Variants in LIPT2 observed in about 807,000 individuals in gnomAD.
The protein encoded by LIPT2 is octanoyl-[acyl-carrier-protein]:protein N-octanoyltransferase LIPT2, mitochondrial.
A neutral mutation model predicts 16.2 loss-of-function variants in LIPT2; 16 were observed. The observed-to-expected ratio is 0.99, with a 90% CI of 0.67 to 1.50. The LOEUF (loss-of-function observed/expected upper bound fraction) is 1.50, where lower values mean the gene tolerates loss of function less well. LIPT2 is among the 40% of genes most tolerant of loss of function. The probability of loss-of-function intolerance (pLI) is 0.00; values close to 1 mark genes in which losing one functional copy is unlikely to be tolerated. For synonymous variants in LIPT2, 199 were observed against 169.3 expected (o/e 1.18, Z -1.36); for missense variants, 424 against 347.7 (o/e 1.22, Z -1.75).
Position 74,493,705 on chromosome 11 carries a change from G to A in LIPT2, c.-2C>T, listed in dbSNP as rs929823454. The stretch of plus-strand genomic sequence containing the variant: ...CAACCGAACGGCGGGTTGCCGCATC[G>A]TGCCCACCGTTGCGTCCGCGGGGCC... On this transcript the variant is annotated 5_prime_UTR_variant, in exon 1 of 2. In the 5' UTR this introduces an upstream ATG that the reference lacks. Coordinates refer to ENST00000310109, the MANE Select transcript of LIPT2 (RefSeq NM_001144869.3). The A allele has an allele frequency of 7.3e-7, 1 of 1,365,452 alleles. No individual in the cohort carries two copies. Among genetic ancestry groups the A allele is most frequent in the Admixed American group, 3.8e-5 (1 of 26,496 alleles). The allele number at this position is 1,365,452 out of a possible 1,614,324, so 84.6% of individuals were successfully genotyped here. A position where few individuals can be genotyped will look rare whatever the true frequency, so the allele number is the denominator to read the frequency against.
rs986212225 is a variant in LIPT2, at chr11:74,491,998, C to T, written c.*137G>A. ...AACAGGATACATATGAAAATAGTGG[C>T]TCAGAGCTCATGGTATGTCCTTAGT... On this transcript the variant is annotated 3_prime_UTR_variant, in exon 2 of 2. Coordinates refer to ENST00000310109, the MANE Select transcript of LIPT2 (RefSeq NM_001144869.3). 8 of 637,072 alleles carry T rather than the reference C, an allele frequency of 1.3e-5. No individual in the cohort carries two copies. Among genetic ancestry groups the T allele is most frequent in the Non-Finnish European group, 2.3e-5 (8 of 355,292 alleles). The allele number at this position is 637,072 out of a possible 1,614,324, so 39.5% of individuals were successfully genotyped here. A position where few individuals can be genotyped will look rare whatever the true frequency, so the allele number is the denominator to read the frequency against.
chr11:74,493,318 A>G lies in LIPT2; in HGVS notation c.386T>C (p.Leu129Pro). The change falls in exon 1 of 2, where the codon CTC (leucine) becomes CCC (proline). Residue 129 changes from leucine to proline, a missense_variant. Leu to Pro is a moderately conservative substitution (Grantham distance 98). Coordinates refer to ENST00000310109, the MANE Select transcript of LIPT2 (RefSeq NM_001144869.3). ...LEACAVRLCE[L>P]QGLQDARARP... Reference sequence around the variant, plus strand: ...CGCGCGGGCGTCCTGCAGGCCCTGGAGCTCGCACAGGCGCACGGCGCACGC... The same window carrying G: ...CGCGCGGGCGTCCTGCAGGCCCTGGGGCTCGCACAGGCGCACGGCGCACGC... The G allele has an allele frequency of 6.8e-7, 1 of 1,465,684 alleles. No individual in the cohort carries two copies. The highest frequency in any genetic ancestry group is 9.0e-7 in the Non-Finnish European group (1 of 1,111,646). The allele number at this position is 1,465,684 out of a possible 1,614,324, so 90.8% of individuals were successfully genotyped here.
In LIPT2 at chr11:74,492,257, C is replaced by G; in HGVS notation, c.574G>C (p.Val192Leu). 6.4e-7 allele frequency: 1 copy of G among 1,551,712 alleles called. No homozygotes were observed. The highest frequency in any genetic ancestry group is 8.7e-7 in the Non-Finnish European group (1 of 1,146,978). ...TGGAGCTCCTTACTCAAGGAAGTGA[C>G]GCCTGTCCCAACCAGTCCACAGGGC... ...IVPCGLVGTG[V>L]TSLSKELQRH... Residue 192 changes from valine to leucine, a missense_variant, in exon 2 of 2, where the codon GTC becomes CTC. Val to Leu is a conservative substitution (Grantham distance 32, BLOSUM62 1). Transcript: ENST00000310109.
rs1300657288 is a variant in LIPT2, at chr11:74,493,313, C to T, written c.391G>A (p.Gly131Ser). 6.8e-7 allele frequency: 1 copy of T among 1,461,902 alleles called. No individual in the cohort carries two copies. Among genetic ancestry groups the T allele is most frequent in the African/African-American group, 1.5e-5 (1 of 68,304 alleles). The allele number at this position is 1,461,902 out of a possible 1,614,324, so 90.6% of individuals were successfully genotyped here. Residue 131 changes from glycine to serine, a missense_variant, in exon 1 of 2, where the codon GGC becomes AGC. Physicochemically the swap from Gly to Ser is moderately conservative, Grantham distance 56. Transcript: ENST00000310109. ...GGCCGCGCGCGGGCGTCCTGCAGGCCCTGGAGCTCGCACAGGCGCACGGCG... is the reference window on the plus strand; with the variant it reads ...GGCCGCGCGCGGGCGTCCTGCAGGCTCTGGAGCTCGCACAGGCGCACGGCG... ...ACAVRLCELQ[G>S]LQDARARPPP... is the part of the protein sequence containing the mutation.
Position 74,493,512 on chromosome 11 carries a change from G to A in LIPT2, c.192C>T (p.Gly64=). 1 of 1,425,316 alleles carries A rather than the reference G, an allele frequency of 7.0e-7. No homozygotes were observed. The highest frequency in any genetic ancestry group is 9.1e-7 in the Non-Finnish European group (1 of 1,095,572). The allele number at this position is 1,425,316 out of a possible 1,614,324, so 88.3% of individuals were successfully genotyped here. A position where few individuals can be genotyped will look rare whatever the true frequency, so the allele number is the denominator to read the frequency against. The change falls in exon 1 of 2, where the codon GGC becomes GGT. Residue 64 remains glycine (G), a synonymous_variant. Transcript: ENST00000310109. ...GCCGCGCAGTTTCCTCGGGCGTCAG[G>A]CCGCCGCGCAGCCCGGCCGTATACA... ...GPVYTAGLRG[G]LTPEETARLR...
At chr11:74,493,174 C>A in intron 1 of LIPT2, 64 bp downstream of exon 1, 1 of 1,227,906 alleles carries the variant, frequency 8.1e-7, no homozygotes, top group South Asian at 2.2e-5. Flanking sequence ...CCCGTCAGAC[C>A]CCGCCCCCAG....
Position 74,493,557 on chromosome 11 carries a change from G to A in LIPT2, c.147C>T (p.Leu49=), listed in dbSNP as rs1304932851. ...PSGTEAGALL[L]CEPAGPVYTA... Reference sequence around the variant, plus strand: ...TATACACGGGCCCCGCGGGCTCGCAGAGCAGGAGCGCGCCCGCCTCAGTCC... The same window carrying A: ...TATACACGGGCCCCGCGGGCTCGCAAAGCAGGAGCGCGCCCGCCTCAGTCC... Residue 49 remains leucine, a synonymous_variant, in exon 1 of 2, where the codon CTC becomes CTT. Transcript: ENST00000310109. 2 of 1,434,034 alleles carry A rather than the reference G, an allele frequency of 1.4e-6. No homozygotes were observed. The highest frequency in any genetic ancestry group is 2.7e-5 in the Admixed American group (1 of 36,512). 88.8% of individuals were successfully genotyped at this position (1,434,034 alleles called of 1,614,324 possible).
Position 74,493,309 on chromosome 11 carries a change from A to C in LIPT2, c.395T>G (p.Leu132Arg), listed in dbSNP as rs1329453974. 1.4e-6 allele frequency: 2 copies of C among 1,444,418 alleles called. No homozygotes were observed. The highest frequency in any genetic ancestry group is 2.6e-5 in the Admixed American group (1 of 38,282). The allele number at this position is 1,444,418 out of a possible 1,614,324, so 89.5% of individuals were successfully genotyped here. The change falls in exon 1 of 2, where the codon CTG becomes CGG. Residue 132 changes from leucine to arginine, a missense_variant. Leu to Arg is a moderately radical substitution (Grantham distance 102). Transcript: ENST00000310109. The part of the protein sequence containing the change: ...CAVRLCELQG[L>R]QDARARPPPY... ...CGGGGGCCGCGCGCGGGCGTCCTGCAGGCCCTGGAGCTCGCACAGGCGCAC... is the reference window on the plus strand; with the variant it reads ...CGGGGGCCGCGCGCGGGCGTCCTGCCGGCCCTGGAGCTCGCACAGGCGCAC...
rs1237708023 is a variant in LIPT2 at position 74,492,236 on chromosome 11, G to A, written c.595C>T (p.Leu199Phe). The A allele has an allele frequency of 1.3e-6, 2 of 1,551,714 alleles. No individual in the cohort carries two copies. The highest frequency in any genetic ancestry group is 1.4e-5 in the African/African-American group (1 of 73,148). The change falls in exon 2 of 2, where the codon CTC becomes TTC. Residue 199 changes from leucine (L) to phenylalanine (F), a missense_variant. Coordinates refer to ENST00000310109, the MANE Select transcript of LIPT2 (RefSeq NM_001144869.3). The stretch of plus-strand genomic sequence containing the variant: ...TCTTCCACGGTGACGTGCCTCTGGA[G>A]CTCCTTACTCAAGGAAGTGACGCCT... Reference protein sequence around the residue: ...GTGVTSLSKELQRHVTVEEVM... With the variant: ...GTGVTSLSKEFQRHVTVEEVM...
chr11:74,492,903 CAA>C (rs147536336), intron 1 of LIPT2, among the ~76,000 whole-genome samples: 59,164 of 102,760 alleles, frequency 0.58, 13,790 homozygotes, highest in East Asian at 0.65. Flanking sequence ...GACTCTGTCT[CAA>C]AAAAAAAAAA....
intron 1 of LIPT2, 36 bp downstream of exon 1, chr11:74,493,202 C>T: frequency 7.6e-7 from 1 of 1,308,890 alleles, no homozygotes; most frequent in East Asian, 3.1e-5. Flanking sequence ...GCTCCGACCT[C>T]GGCTCTCAGG....
In LIPT2 at chr11:74,491,289, T is replaced by C. The variant is rs746426231; in HGVS notation, c.*846A>G. 6.6e-6 allele frequency among the ~76,000 whole-genome samples: 1 copy of C among 152,186 alleles called. No homozygotes were observed. The highest frequency in any genetic ancestry group is 1.5e-5 in the Non-Finnish European group (1 of 68,028). On this transcript the variant is annotated 3_prime_UTR_variant, in exon 2 of 2. Coordinates refer to ENST00000310109, the MANE Select transcript of LIPT2 (RefSeq NM_001144869.3). ...GCCTTTGAATAAGTGCAGTTCCAGC[T>C]GACATCTTAACTGCAAGTTCGTGTG...
At position 74,491,959 on chromosome 11, in the gene LIPT2, G is replaced by A. The variant is rs3741128; in HGVS notation, c.*176C>T. The A allele has an allele frequency of 0.59, 348,641 of 592,680 alleles. 104,625 individuals carry two copies. The highest frequency in any genetic ancestry group is 0.67 in the East Asian group (24,089 of 35,768). The allele number at this position is 592,680 out of a possible 1,614,324, so 36.7% of individuals were successfully genotyped here. A position where few individuals can be genotyped will look rare whatever the true frequency, so the allele number is the denominator to read the frequency against. ...ATCTAGTATCTCTGAGGTAGGTGGG[G>A]AAGATATAAATAAAACAGGATACAT... On this transcript the variant is annotated 3_prime_UTR_variant, in exon 2 of 2. Transcript: ENST00000310109.
At chr11:74,492,749 CA>C (rs1591245491) in intron 1 of LIPT2, among the ~76,000 whole-genome samples, 1 of 151,638 alleles carries the variant, frequency 6.6e-6, no homozygotes, top group Non-Finnish European at 1.5e-5. Context: ...ACTAAAAATA[CA>C]AAAAATTAGC....
At chr11:74,492,747 T>C (rs2135043000) in intron 1 of LIPT2, among the ~76,000 whole-genome samples, 1 of 151,558 alleles carries the variant, frequency 6.6e-6, no homozygotes, top group Non-Finnish European at 1.5e-5. Context: ...CTACTAAAAA[T>C]ACAAAAAATT....
In LIPT2 at chr11:74,493,656, G is replaced by C. The variant is rs1864411264; in HGVS notation, c.48C>G (p.Tyr16Ter). 2.1e-6 allele frequency: 3 copies of C among 1,449,314 alleles called. No individual in the cohort carries two copies. In the African/African-American group the frequency reaches 4.4e-5, roughly 21 times the overall value. The allele number at this position is 1,449,314 out of a possible 1,614,324, so 89.8% of individuals were successfully genotyped here. The change falls in exon 1 of 2, where the codon TAC becomes TAG. Residue 16 changes from tyrosine to a stop codon, truncating the protein, a stop_gained. Transcript: ENST00000310109. LOFTEE classifies it high-confidence loss of function. ...GGTCCTGCAGCCCCAGTAGCTCGGC[G>C]TACGGCACCCGACCCAGGCGCACCA... ...VRLVRLGRVP[Y>*]AELLGLQDRW... is the part of the protein sequence containing the mutation.
intron 1 of LIPT2, 137 bp from the exon 2 acceptor site, chr11:74,492,501 T>A: frequency 1.6e-6 from 1 of 632,490 alleles, no homozygotes; most frequent in Non-Finnish European, 2.8e-6. Context: ...GGGATTGTAC[T>A]CAGATGGGAA....
In LIPT2 at chr11:74,492,252, A is replaced by G. The variant is rs1420207987; in HGVS notation, c.579T>C (p.Thr193=). Residue 193 remains threonine, a synonymous_variant, in exon 2 of 2, where the codon ACT becomes ACC. Coordinates refer to ENST00000310109, the MANE Select transcript of LIPT2 (RefSeq NM_001144869.3). The part of the protein sequence containing the change: ...VPCGLVGTGV[T]SLSKELQRHV... Reference sequence around the variant, plus strand: ...GCCTCTGGAGCTCCTTACTCAAGGAAGTGACGCCTGTCCCAACCAGTCCAC... The same window carrying G: ...GCCTCTGGAGCTCCTTACTCAAGGAGGTGACGCCTGTCCCAACCAGTCCAC... 1.3e-6 allele frequency: 2 copies of G among 1,551,750 alleles called. No individual in the cohort carries two copies. The highest frequency in any genetic ancestry group is 2.4e-5 in the South Asian group (2 of 84,066).
rs978334424 is a variant in LIPT2, at chr11:74,493,287, G to T, written c.417C>A (p.Pro139=). 4.9e-6 allele frequency: 7 copies of T among 1,417,964 alleles called. No individual in the cohort carries two copies. The African/African-American group carries it at 1.0e-4, about 21-fold the overall frequency. 87.8% of individuals were successfully genotyped at this position (1,417,964 alleles called of 1,614,324 possible). The part of the protein sequence containing the change: ...LQGLQDARAR[P]PPYTGVWLDD... ...CTAGCCAGACGCCAGTGTAGGGCGGGGGCCGCGCGCGGGCGTCCTGCAGGC... is the reference window on the plus strand; with the variant it reads ...CTAGCCAGACGCCAGTGTAGGGCGGTGGCCGCGCGCGGGCGTCCTGCAGGC... The change falls in exon 1 of 2, where the codon CCC becomes CCA. Residue 139 remains proline, a synonymous_variant. Transcript: ENST00000310109.
Sources: gnomAD v4.1 joint callset for allele counts (sites outside exome capture counted in the v4.1 genomes callset) on GRCh38, gnomAD v4.1.1 for gene constraint, MANE v1.5 for transcripts, NCBI Gene and HGNC (gene_info 2026-07-23, HGNC 2026-07-21) for gene names.